DIP2A: variants seen among roughly 807,000 people sequenced by gnomAD.
The protein encoded by DIP2A is disco-interacting protein 2 homolog A.
DIP2A carries 85 observed loss-of-function variants against 177.4 expected under a neutral mutation model. That is an observed-to-expected ratio of 0.48 (90% CI 0.40 to 0.57). The LOEUF (loss-of-function observed/expected upper bound fraction) is 0.57, where lower values mean the gene tolerates loss of function less well. DIP2A is among the 20% of genes least tolerant of loss of function. The pLI, the probability that DIP2A is intolerant of heterozygous loss-of-function variation, is 0.00. For missense variants in DIP2A, 1,791 were observed against 2,100.2 expected (o/e 0.85, Z 2.88); for synonymous variants, 886 against 881.8 (o/e 1.00, Z -0.08).
At chr21:46,570,046 C>CT (rs1569129589), downstream of DIP2A, among the ~76,000 whole-genome samples, 3 of 152,160 alleles carry the variant, frequency 2.0e-5, no homozygotes, top group Admixed American at 6.5e-5. Flanking sequence ...GTTTCAGTGG[C>CT]TGTATTTTAC....
chr21:46,502,348 T>A (rs1278667314), intron 5 of DIP2A, among the ~76,000 whole-genome samples: 1 of 150,932 alleles, frequency 6.6e-6, no homozygotes, highest in Non-Finnish European at 1.5e-5. Context: ...CCCAGGCTGA[T>A]CTCAAATTCC....
At position 46,557,802 on chromosome 21, in the gene DIP2A, G is replaced by A. The variant is rs956427692; in HGVS notation, c.3798+49G>A. ...TGAGTGTGCTGCAGACCACAGCCCT[G>A]GGAAGTTTAAAAACAACAAAACAAA... On this transcript the variant is annotated intron_variant, in intron 31 of 37. Transcript: ENST00000417564. This position sits in a 1 kb window ranked among gnomAD's most constrained non-coding sequence, Gnocchi z 6.0. 6 of 1,569,258 alleles carry A rather than the reference G, an allele frequency of 3.8e-6. No individual in the cohort carries two copies. The African/African-American group carries it at 8.2e-5, about 21-fold the overall frequency.
intron 33 of DIP2A, chr21:46,561,043 G>T (rs921169658): frequency 2.0e-6 from 2 of 976,990 alleles, no homozygotes; most frequent in Non-Finnish European, 2.4e-6. Flanking sequence ...CTGTGCGCCC[G>T]TGTCCCCAGG....
At chr21:46,575,555 G>A in the DIP2A span, among the ~76,000 whole-genome samples, 1 of 152,102 alleles carries the variant, frequency 6.6e-6, no homozygotes. Flanking sequence ...AATAAATTTA[G>A]CAACATAGCA....
chr21:46,542,171 G>A (rs2059847003), intron 18 of DIP2A, among the ~76,000 whole-genome samples: 1 of 152,214 alleles, frequency 6.6e-6, no homozygotes, highest in African/African-American at 2.4e-5. Context: ...ATTTTACTTT[G>A]TAAAATATTT....
At chr21:46,525,708 A>G (rs1053807883) in intron 8 of DIP2A, 6 of 152,076 alleles carry the variant, frequency 3.9e-5, no homozygotes, top group African/African-American at 7.2e-5. Context: ...CTTTTGTGAA[A>G]TGTTCCATAT....
At chr21:46,471,307 A>G (rs2055359110) in intron 1 of DIP2A, among the ~76,000 whole-genome samples, 1 of 152,198 alleles carries the variant, frequency 6.6e-6, no homozygotes, top group Non-Finnish European at 1.5e-5. Context: ...CTGGGTTTAC[A>G]GGCATGAGCC....
rs985790623 is a variant in DIP2A, at chr21:46,538,565, A to G, written c.1884A>G (p.Ser628=). The change falls in exon 16 of 38, where the codon TCA becomes TCG. Residue 628 remains serine, a synonymous_variant. Transcript: ENST00000417564. ...QRGQRDVSLS[S]LRMLIVADGA... ...GCCAGAGGGACGTCAGCCTCAGCTC[A>G]CTGCGCATGCTGATTGTGGCCGATG... 5 of 1,563,374 alleles carry G rather than the reference A, an allele frequency of 3.2e-6. No individual in the cohort carries two copies. The highest frequency in any genetic ancestry group is 3.5e-6 in the Non-Finnish European group (4 of 1,155,892).
chr21:46,459,083 C>T lies in DIP2A; in HGVS notation c.-49C>T. 2.9e-6 allele frequency: 4 copies of T among 1,390,218 alleles called. No individual in the cohort carries two copies. The highest frequency in any genetic ancestry group is 3.7e-6 in the Non-Finnish European group (4 of 1,070,682). The allele number at this position is 1,390,218 out of a possible 1,614,324, so 86.1% of individuals were successfully genotyped here. ...TAGCCGAGGTTTGCGCTGCCGCCGC[C>T]AGGCCCGGTCCGGTTCCAGCCTCTG... On this transcript the variant is annotated 5_prime_UTR_variant, in exon 1 of 38. Coordinates refer to ENST00000417564, the MANE Select transcript of DIP2A (RefSeq NM_015151.4).
chr21:46,509,065 C>T (rs1204110313), intron 6 of DIP2A, among the ~76,000 whole-genome samples, 192 bp from the exon 7 acceptor site: 1 of 152,106 alleles, frequency 6.6e-6, no homozygotes, highest in East Asian at 1.9e-4. Flanking sequence ...TAGAACAAGT[C>T]CTGTTTCCTG....
Position 46,566,691 on chromosome 21 carries a change from C to T in DIP2A, c.4463+8C>T, listed in dbSNP as rs1224062734. The stretch of plus-strand genomic sequence containing the variant: ...CAGGAGCATCGCTGAGTGGTAAGAG[C>T]CCAGGTGGAGGGCGGCTTCACGTGG... On this transcript the variant is annotated splice_region_variant and intron_variant, in intron 37 of 37. Transcript: ENST00000417564. 6.2e-7 allele frequency: 1 copy of T among 1,614,042 alleles called. No homozygotes were observed. Among genetic ancestry groups the T allele is most frequent in the Non-Finnish European group, 8.5e-7 (1 of 1,179,936 alleles).
rs1168153777 is a variant in DIP2A, at chr21:46,464,817, C to CTTTTTTTTTTTTTTTTTTTTTT, written c.91+5601_91+5622dup. 2.5e-4 allele frequency among the ~76,000 whole-genome samples: 18 copies of CTTTTTTTTTTTTTTTTTTTTTT among 73,438 alleles called. 3 individuals are homozygous for CTTTTTTTTTTTTTTTTTTTTTT. Among genetic ancestry groups the CTTTTTTTTTTTTTTTTTTTTTT allele is most frequent in the Admixed American group, 3.8e-4 (2 of 5,276 alleles). 48.2% of individuals were successfully genotyped at this position (73,438 alleles called of 152,430 possible). ...TCTTCCTTTTTCTTAATATTCATGT[C>CTTTTTTTTTTTTTTTTTTTTTT]TTTTTTTTTTTTTTTTTTTTTTTTT... On this transcript the variant is annotated intron_variant, in intron 1 of 37. Transcript: ENST00000417564.
intron 22 of DIP2A, 163 bp downstream of exon 22, chr21:46,550,048 A>G: frequency 1.4e-6 from 2 of 1,435,350 alleles, no homozygotes; most frequent in Non-Finnish European, 1.8e-6. Context: ...AGCTGTATGT[A>G]TTTACGGGAT....
At chr21:46,511,709 G>A in intron 8 of DIP2A, 95 bp downstream of exon 8, 1 of 1,275,404 alleles carries the variant, frequency 7.8e-7, no homozygotes, top group Non-Finnish European at 1.0e-6. Context: ...AAATATTCCT[G>A]AGAAACCAGC....
At chr21:46,504,886 C>T (rs1052363498) in intron 6 of DIP2A, among the ~76,000 whole-genome samples, 1 of 152,196 alleles carries the variant, frequency 6.6e-6, no homozygotes, top group Non-Finnish European at 1.5e-5. Flanking sequence ...GAACAGCCCC[C>T]TACACTCTCC....
Position 46,463,717 on chromosome 21 carries a change from TGTA to T in DIP2A, c.91+4496_91+4498del, listed in dbSNP as rs1419406638. 2.6e-3 allele frequency among the ~76,000 whole-genome samples: 318 copies of T among 123,252 alleles called. 2 individuals are homozygous for T. The highest frequency in any genetic ancestry group is 0.02 in the South Asian group (79 of 3,996). The allele number at this position is 123,252 out of a possible 152,430, so 80.9% of individuals were successfully genotyped here. On this transcript the variant is annotated intron_variant, in intron 1 of 37. Coordinates refer to ENST00000417564, the MANE Select transcript of DIP2A (RefSeq NM_015151.4). The stretch of plus-strand genomic sequence containing the variant: ...GTGTGTGTGTGTGTGTGTGTGTGTG[TGTA>T]TATTTTGAGACGGAGTCTCACTCTG...
intron 21 of DIP2A, 30 bp from the exon 22 acceptor site, chr21:46,549,741 G>A (rs762962530): frequency 1.2e-5 from 20 of 1,611,216 alleles, no homozygotes; most frequent in South Asian, 3.3e-5. Context: ...GCCTCTTGCC[G>A]TGTGGCCATT....
At position 46,538,509 on chromosome 21, in the gene DIP2A, G is replaced by A; in HGVS notation, c.1828G>A (p.Asp610Asn). 6.4e-7 allele frequency: 1 copy of A among 1,553,592 alleles called. No individual in the cohort carries two copies. The highest frequency in any genetic ancestry group is 8.7e-7 in the Non-Finnish European group (1 of 1,151,708). Residue 610 changes from aspartate (D) to asparagine (N), a missense_variant, in exon 16 of 38, where the codon GAC becomes AAC. Coordinates refer to ENST00000417564, the MANE Select transcript of DIP2A (RefSeq NM_015151.4). ...KARAALVKSRDMHWSLLAQRG... is the reference protein window; with the variant it reads ...KARAALVKSRNMHWSLLAQRG... ...TCGGGCCGCGCTGGTGAAGTCGCGA[G>A]ACATGCACTGGTCTCTCCTAGCTCA...
intron 20 of DIP2A, among the ~76,000 whole-genome samples, chr21:46,546,704 C>T (rs2060059872): frequency 1.3e-5 from 2 of 152,186 alleles, no homozygotes; most frequent in Non-Finnish European, 2.9e-5. Flanking sequence ...GCCCCACCAG[C>T]CCCCATTCCT....
Sources: gnomAD v4.1 joint callset for allele counts (sites outside exome capture counted in the v4.1 genomes callset) on GRCh38, gnomAD v4.1.1 for gene constraint, Gnocchi (gnomAD v3.1) non-coding constraint, MANE v1.5 for transcripts, NCBI Gene and HGNC (gene_info 2026-07-23, HGNC 2026-07-21) for gene names.